The following FZD3 variants were observed in gnomAD, a reference collection of about 807,000 sequenced individuals.
The protein encoded by FZD3 is frizzled-3.
Under a neutral mutation model 60.7 loss-of-function variants are expected in FZD3, and 30 were observed. The observed-to-expected ratio is 0.49, with a 90% CI of 0.37 to 0.67. FZD3 has a LOEUF of 0.67. Ranked by LOEUF, FZD3 falls within the 30% of genes least tolerant of loss-of-function variation. FZD3 has a pLI of 0.00. For missense variants in FZD3, 605 were observed against 838.7 expected (o/e 0.72, Z 3.44); for synonymous variants, 246 against 275.2 (o/e 0.89, Z 1.05).
chr8:28,559,516 C>T lies in FZD3; in HGVS notation c.1788-3282C>T, dbSNP rs115651891. Among the ~76,000 whole-genome samples the T allele has an allele frequency of 8.7e-3, 1,324 of 152,260 alleles. 7 individuals carry two copies. The highest frequency in any genetic ancestry group is 0.019 in the African/African-American group (775 of 41,532). On this transcript the variant is annotated intron_variant, in intron 7 of 7. Transcript: ENST00000240093. The stretch of plus-strand genomic sequence containing the variant: ...TATATATAGTAGGGGATTAACAAAT[C>T]TATCAAATAAATAATGACTTTAGAA...
chr8:28,535,804 T>C (rs352204), intron 5 of FZD3, among the ~76,000 whole-genome samples: 93,003 of 151,976 alleles, frequency 0.61, 28,784 homozygotes, highest in African/African-American at 0.68. Flanking sequence ...TGGGTTTTTT[T>C]GGTCTAATAA....
Position 28,570,638 on chromosome 8 carries a change from G to GA in FZD3, c.*7639dup, listed in dbSNP as rs1298267303. 5.5e-3 allele frequency: 747 copies of GA among 136,654 alleles called. 3 individuals are homozygous for GA. Among genetic ancestry groups the GA allele is most frequent in the Non-Finnish European group, 7.2e-3 (452 of 63,126 alleles). 8.5% of individuals were successfully genotyped at this position (136,654 alleles called of 1,614,324 possible). A position where few individuals can be genotyped will look rare whatever the true frequency, so the allele number is the denominator to read the frequency against. On this transcript the variant is annotated 3_prime_UTR_variant, in exon 8 of 8. Coordinates refer to ENST00000240093, the MANE Select transcript of FZD3 (RefSeq NM_017412.4). ...AGACTCTATCTCAAAAAAAAAAAAA[G>GA]AAAAAAAAAAAAGTAGAGATTGCAT...
At chr8:28,518,545 A>T (rs1176618031) in intron 3 of FZD3, among the ~76,000 whole-genome samples, 1 of 152,164 alleles carries the variant, frequency 6.6e-6, no homozygotes, top group Non-Finnish European at 1.5e-5. Flanking sequence ...TAGACTGATA[A>T]GACTGCCAAA....
chr8:28,498,668 C>G (rs977268085), intron 1 of FZD3, among the ~76,000 whole-genome samples: 1 of 152,206 alleles, frequency 6.6e-6, no homozygotes, highest in African/African-American at 2.4e-5. Context: ...ACCTCCACCT[C>G]TCATGTTGAA....
At chr8:28,514,486 A>T (rs1382377562) in intron 3 of FZD3, among the ~76,000 whole-genome samples, 1 of 152,190 alleles carries the variant, frequency 6.6e-6, no homozygotes, top group Non-Finnish European at 1.5e-5. Context: ...CACAGTCAAG[A>T]TACAGAGCAT....
intron 5 of FZD3, among the ~76,000 whole-genome samples, chr8:28,539,656 A>G (rs1407306084): frequency 3.9e-5 from 6 of 152,210 alleles, no homozygotes; most frequent in Non-Finnish European, 8.8e-5. Flanking sequence ...TGTGGGCTTT[A>G]GGTGACCATA....
chr8:28,551,084 CTAGA>C (rs755601425), intron 5 of FZD3, among the ~76,000 whole-genome samples: 20 of 151,924 alleles, frequency 1.3e-4, no homozygotes, highest in Admixed American at 3.3e-4. Context: ...TATCATCTAT[CTAGA>C]TAGATAGATA....
intron 5 of FZD3, among the ~76,000 whole-genome samples, chr8:28,544,547 A>G (rs1293828265): frequency 2.0e-5 from 3 of 152,206 alleles, no homozygotes; most frequent in African/African-American, 7.2e-5. Context: ...ATAAATTTAC[A>G]TTGTATCTCA....
At chr8:28,514,942 G>T (rs1030784955) in intron 3 of FZD3, among the ~76,000 whole-genome samples, 7 of 152,142 alleles carry the variant, frequency 4.6e-5, no homozygotes, top group African/African-American at 1.4e-4. Flanking sequence ...AAACTGAAGC[G>T]TAGAGAGATT....
At chr8:28,546,603 A>G (rs1187691068) in intron 5 of FZD3, among the ~76,000 whole-genome samples, 1 of 149,340 alleles carries the variant, frequency 6.7e-6, no homozygotes, top group East Asian at 1.9e-4. Flanking sequence ...CCAATGCCCC[A>G]CCCAGCACTT....
Position 28,530,089 on chromosome 8 carries a change from C to CTGTGTGTGTG in FZD3, c.1404+1969_1404+1978dup, listed in dbSNP as rs59022036. ...CAGTTTGAGCTACACTGAAATATAT[C>CTGTGTGTGTG]TGTGTGTGTGTGTGTGTGTGTGTGT... On this transcript the variant is annotated intron_variant, in intron 5 of 7. Coordinates refer to ENST00000240093, the MANE Select transcript of FZD3 (RefSeq NM_017412.4). Among the ~76,000 whole-genome samples the CTGTGTGTGTG allele has an allele frequency of 2.4e-3, 334 of 138,580 alleles. 2 individuals are homozygous for CTGTGTGTGTG. Among genetic ancestry groups the CTGTGTGTGTG allele is most frequent in the Middle Eastern group, 7.4e-3 (2 of 272 alleles). The allele number at this position is 138,580 out of a possible 152,430, so 90.9% of individuals were successfully genotyped here. A position where few individuals can be genotyped will look rare whatever the true frequency, so the allele number is the denominator to read the frequency against.
chr8:28,502,998 T>A lies in FZD3; in HGVS notation c.-16T>A. ...AATAGGCCTGATCATCTGAATCTCC[T>A]TCAGACCCAGGAAGGATGGCTATGA... is the stretch of plus-strand genomic sequence containing the variant. On this transcript the variant is annotated 5_prime_UTR_variant, in exon 3 of 8. Coordinates refer to ENST00000240093, the MANE Select transcript of FZD3 (RefSeq NM_017412.4). 6.2e-7 allele frequency: 1 copy of A among 1,600,718 alleles called. No individual in the cohort carries two copies. The highest frequency in any genetic ancestry group is 1.1e-5 in the South Asian group (1 of 90,218).
chr8:28,529,832 G>A (rs1427591300), intron 5 of FZD3, among the ~76,000 whole-genome samples: 1 of 151,976 alleles, frequency 6.6e-6, no homozygotes, highest in Non-Finnish European at 1.5e-5. Flanking sequence ...CAGACCTAAA[G>A]GTAAATAATC....
At chr8:28,540,579 A>G (rs1299797924) in intron 5 of FZD3, among the ~76,000 whole-genome samples, 2 of 152,242 alleles carry the variant, frequency 1.3e-5, no homozygotes, top group Non-Finnish European at 2.9e-5. Flanking sequence ...ACTTAAAAAG[A>G]ATACTTGACA....
chr8:28,509,664 G>A (rs1177110380), intron 3 of FZD3, among the ~76,000 whole-genome samples: 1 of 152,078 alleles, frequency 6.6e-6, no homozygotes, highest in Non-Finnish European at 1.5e-5. Context: ...ACCACTCTAT[G>A]TATTTCGTAT....
intron 5 of FZD3, among the ~76,000 whole-genome samples, chr8:28,534,941 A>G (rs1804971392): frequency 6.6e-6 from 1 of 152,332 alleles, no homozygotes; most frequent in East Asian, 1.9e-4. Flanking sequence ...AGTTTTTTAA[A>G]TGTTTTAAGC....
intron 5 of FZD3, among the ~76,000 whole-genome samples, chr8:28,528,490 T>A (rs1804778503): frequency 6.6e-6 from 1 of 152,150 alleles, no homozygotes; most frequent in African/African-American, 2.4e-5. Context: ...ATTTGCTTTT[T>A]ATGGGAATTT....
At chr8:28,562,165 C>T (rs1268913582) in intron 7 of FZD3, among the ~76,000 whole-genome samples, 1 of 152,132 alleles carries the variant, frequency 6.6e-6, no homozygotes, top group Non-Finnish European at 1.5e-5. Flanking sequence ...GATGTAGCTT[C>T]CATGAAGGAG....
At chr8:28,530,130 TG>T (rs1804828534) in intron 5 of FZD3, among the ~76,000 whole-genome samples, 3 of 100,792 alleles carry the variant, frequency 3.0e-5, no homozygotes, top group Non-Finnish European at 6.1e-5. Context: ...TGTGTGTGTG[TG>T]TGTGTGTGTG....
Sources: gnomAD v4.1 joint callset for allele counts (sites outside exome capture counted in the v4.1 genomes callset) on GRCh38, gnomAD v4.1.1 for gene constraint, MANE v1.5 for transcripts, NCBI Gene and HGNC (gene_info 2026-07-23, HGNC 2026-07-21) for gene names.